Variants in RBM28 observed in about 807,000 individuals in gnomAD.
RBM28 encodes the protein RNA binding motif protein 28.
RBM28 carries 78 observed loss-of-function variants against 98.3 expected under a neutral mutation model. The observed-to-expected ratio is 0.79, with a 90% CI of 0.66 to 0.96. The LOEUF (loss-of-function observed/expected upper bound fraction) is 0.96. Among genes scored for constraint, RBM28 ranks in the 40% least tolerant of loss-of-function variants. RBM28 has a pLI of 0.00. For missense variants in RBM28, 838 were observed against 913.0 expected, an observed-to-expected ratio of 0.92 and a Z score of 1.06; for synonymous variants, 306 against 330.9, an observed-to-expected ratio of 0.92 and a Z score of 0.82.
rs764418652 is a variant in RBM28 at position 128,330,854 on chromosome 7, C to A, written c.1094G>T (p.Arg365Leu). 1.7e-5 allele frequency: 28 copies of A among 1,613,838 alleles called. No homozygotes were observed. The highest frequency in any genetic ancestry group is 6.7e-5 in the Admixed American group (4 of 60,002). ...LQQFGELKYV[R>L]IVLHPDTEHS... ...CTCTGTGTCTGGATGCAAGACAATG[C>A]GGACATATTTGAGTTCTCCAAACTG... The change falls in exon 10 of 19, where the codon CGC (arginine) becomes CTC (leucine). Residue 365 changes from arginine to leucine, a missense_variant. Arg to Leu is a moderately radical substitution (Grantham distance 102, BLOSUM62 -2). Transcript: ENST00000223073.
rs1795789017 is a variant in RBM28, at chr7:128,302,078, G to C, written c.*8719C>G. Reference sequence around the variant, plus strand: ...TGGGCCAGAGACAGGCATTTTACTTGATGCGATCATCCTCAGCACATGCCT... The same window carrying C: ...TGGGCCAGAGACAGGCATTTTACTTCATGCGATCATCCTCAGCACATGCCT... On this transcript the variant is annotated 3_prime_UTR_variant, in exon 19 of 19. Transcript: ENST00000223073. 6.6e-6 allele frequency: 1 copy of C among 152,132 alleles called. No homozygotes were observed. Among genetic ancestry groups the C allele is most frequent in the African/African-American group, 2.4e-5 (1 of 41,364 alleles). The allele number at this position is 152,132 out of a possible 1,614,324, so 9.4% of individuals were successfully genotyped here. A position where few individuals can be genotyped will look rare whatever the true frequency, so the allele number is the denominator to read the frequency against.
chr7:128,327,587 G>A (rs1476581350), intron 10 of RBM28, among the ~76,000 whole-genome samples: 4 of 151,272 alleles, frequency 2.6e-5, no homozygotes, highest in Non-Finnish European at 5.9e-5. Context: ...TGCAACCTCC[G>A]CCTCCTGGGT....
In RBM28 at chr7:128,301,213, C is replaced by T. The variant is rs1410059319; in HGVS notation, c.*9584G>A. ...CAAAAGACATCACAGACCCTATCTC[C>T]CGTGCTCTTTTACAGTGGCTATTTC... On this transcript the variant is annotated 3_prime_UTR_variant, in exon 19 of 19. Transcript: ENST00000223073. 6.6e-6 allele frequency: 1 copy of T among 152,258 alleles called. No individual in the cohort carries two copies. Among genetic ancestry groups the T allele is most frequent in the African/African-American group, 2.4e-5 (1 of 41,460 alleles). 9.4% of individuals were successfully genotyped at this position (152,258 alleles called of 1,614,324 possible).
chr7:128,301,857 C>T lies in RBM28; in HGVS notation c.*8940G>A, dbSNP rs549977247. 7.9e-5 allele frequency: 12 copies of T among 152,402 alleles called. No individual in the cohort carries two copies. 9.4% of individuals were successfully genotyped at this position (152,402 alleles called of 1,614,324 possible). ...CAGGAAGGATGGGCCCAGAAACTGA[C>T]TTTCCATGGCTCCGACGAGGGGTCC... On this transcript the variant is annotated 3_prime_UTR_variant, in exon 19 of 19. Transcript: ENST00000223073.
rs1290972444 is a variant in RBM28 at position 128,306,355 on chromosome 7, A to T, written c.*4442T>A. 6.6e-6 allele frequency: 1 copy of T among 151,970 alleles called. No individual in the cohort carries two copies. Among genetic ancestry groups the T allele is most frequent in the Non-Finnish European group, 1.5e-5 (1 of 68,000 alleles). 9.4% of individuals were successfully genotyped at this position (151,970 alleles called of 1,614,324 possible). On this transcript the variant is annotated 3_prime_UTR_variant, in exon 19 of 19. Transcript: ENST00000223073. ...GCACTGTGAACAGCAGTTTATTATT[A>T]TTTTTTCCTTCATGCTGTCTTTTGG...
intron 4 of RBM28, 44 bp from the exon 5 acceptor site, chr7:128,338,386 G>A (rs765911211): frequency 1.3e-6 from 2 of 1,507,462 alleles, no homozygotes; most frequent in Admixed American, 1.7e-5. Context: ...GCAGCAGGAG[G>A]TAGCCAGAAT....
At chr7:128,318,630 T>C (rs1444517020) in intron 14 of RBM28, among the ~76,000 whole-genome samples, 1 of 152,226 alleles carries the variant, frequency 6.6e-6, no homozygotes, top group Non-Finnish European at 1.5e-5. Flanking sequence ...TCTTGCTTTC[T>C]ACTAGCTTAT....
chr7:128,342,686 A>G (rs1796752744), intron 1 of RBM28, among the ~76,000 whole-genome samples: 1 of 152,176 alleles, frequency 6.6e-6, no homozygotes, highest in African/African-American at 2.4e-5. Context: ...GTCTTTAAAA[A>G]AAAAAAAAAA....
chr7:128,297,922 G>A lies in RBM28; in HGVS notation c.*12875C>T, dbSNP rs1013289133. 9.1e-5 allele frequency: 13 copies of A among 142,578 alleles called. 1 individual carries two copies. The highest frequency in any genetic ancestry group is 3.3e-4 in the African/African-American group (13 of 38,810). The allele number at this position is 142,578 out of a possible 1,614,324, so 8.8% of individuals were successfully genotyped here. A position where few individuals can be genotyped will look rare whatever the true frequency, so the allele number is the denominator to read the frequency against. On this transcript the variant is annotated 3_prime_UTR_variant, in exon 19 of 19. Transcript: ENST00000223073. ...AAACACCGCATATTCTCACTCATAGGTGGGAATTGAACAATGAGAACACAT... is the reference window on the plus strand; with the variant it reads ...AAACACCGCATATTCTCACTCATAGATGGGAATTGAACAATGAGAACACAT...
intron 18 of RBM28, among the ~76,000 whole-genome samples, chr7:128,311,760 GA>G (rs940709141): frequency 1.4e-4 from 21 of 148,942 alleles, no homozygotes; most frequent in Admixed American, 1.2e-3. Context: ...CAGAGAGAGA[GA>G]AAAAAAAAAT....
intron 4 of RBM28, 51 bp downstream of exon 4, chr7:128,338,675 G>C (rs1366502582): frequency 7.8e-7 from 1 of 1,280,714 alleles, no homozygotes. Flanking sequence ...GTTTGTTCAA[G>C]GGTAATATGT....
intron 16 of RBM28, among the ~76,000 whole-genome samples, chr7:128,317,394 T>C (rs1295458980): frequency 6.6e-6 from 1 of 152,160 alleles, no homozygotes; most frequent in East Asian, 1.9e-4. Context: ...GCACGTACTA[T>C]CACCAAACAC....
At position 128,308,117 on chromosome 7, in the gene RBM28, T is replaced by C. The variant is rs1795902110; in HGVS notation, c.*2680A>G. On this transcript the variant is annotated 3_prime_UTR_variant, in exon 19 of 19. Coordinates refer to ENST00000223073, the MANE Select transcript of RBM28 (RefSeq NM_018077.3). ...GCTGACCAAATAGCCCATGGTAAGG[T>C]GTTCCAAAGGAAGACACCATATATA... The C allele has an allele frequency of 6.6e-6, 1 of 152,118 alleles. No homozygotes were observed. Among genetic ancestry groups the C allele is most frequent in the South Asian group, 2.1e-4 (1 of 4,830 alleles). The allele number at this position is 152,118 out of a possible 1,614,324, so 9.4% of individuals were successfully genotyped here.
chr7:128,339,147 G>T, intron 3 of RBM28, 80 bp downstream of exon 3: 2 of 1,225,156 alleles, frequency 1.6e-6, no homozygotes, highest in Non-Finnish European at 2.4e-6. Flanking sequence ...ATACCATCTT[G>T]GTGAGGAGTT....
Position 128,313,096 on chromosome 7 carries a change from T to C in RBM28, c.2145+79A>G, listed in dbSNP as rs555502998. On this transcript the variant is annotated intron_variant, in intron 18 of 18. Transcript: ENST00000223073. ...AAGTCTTTCTTTTTTTCTTTTTTGC[T>C]CAACTAACCAAGGTACAAACATGGC... 58 of 1,422,268 alleles carry C rather than the reference T, an allele frequency of 4.1e-5. No individual in the cohort carries two copies. In the African/African-American group the frequency reaches 6.1e-4, roughly 15 times the overall value. The allele number at this position is 1,422,268 out of a possible 1,614,324, so 88.1% of individuals were successfully genotyped here.
In RBM28 at chr7:128,310,485, T is replaced by C. The variant is rs1056279169; in HGVS notation, c.*312A>G. On this transcript the variant is annotated 3_prime_UTR_variant, in exon 19 of 19. Transcript: ENST00000223073. ...AAAATTCAGCACTCCAGAATGCTTT[T>C]TCAGGTGTTTCCATTTGAGAAATAA... 28 of 378,530 alleles carry C rather than the reference T, an allele frequency of 7.4e-5. No individual in the cohort carries two copies. The highest frequency in any genetic ancestry group is 9.8e-5 in the South Asian group (3 of 30,678). The allele number at this position is 378,530 out of a possible 1,614,324, so 23.4% of individuals were successfully genotyped here.
intron 8 of RBM28, among the ~76,000 whole-genome samples, chr7:128,334,874 AAAAG>A (rs1326327150): frequency 6.6e-6 from 1 of 152,186 alleles, no homozygotes; most frequent in Non-Finnish European, 1.5e-5. Context: ...TGCTTATAAG[AAAAG>A]AGAGACCAGA....
At chr7:128,326,089 G>A (rs967542021) in intron 10 of RBM28, among the ~76,000 whole-genome samples, 198 bp from the exon 11 acceptor site, 6 of 152,146 alleles carry the variant, frequency 3.9e-5, no homozygotes, top group South Asian at 2.1e-4. Context: ...CAGATCATGA[G>A]GTCAAGAGAT....
At chr7:128,329,110 T>A (rs1039852455) in intron 10 of RBM28, among the ~76,000 whole-genome samples, 2 of 152,102 alleles carry the variant, frequency 1.3e-5, no homozygotes, top group Non-Finnish European at 1.5e-5. Flanking sequence ...CTTTTTTTTT[T>A]CTTTTTGAGA....
Sources: allele counts gnomAD v4.1 joint callset (sites outside exome capture counted in the v4.1 genomes callset), GRCh38; gene constraint gnomAD v4.1.1; transcripts MANE v1.5; gene names NCBI Gene and HGNC (gene_info 2026-07-23, HGNC 2026-07-21).